The following CD38 variants were observed in gnomAD, a reference collection of about 807,000 sequenced individuals.
CD38 encodes the protein ADP-ribosyl cyclase/cyclic ADP-ribose hydrolase 1.
In CD38, 31 loss-of-function variants were observed where a neutral mutation model predicts 36.3. That is an observed-to-expected ratio of 0.85 (90% CI 0.64 to 1.15). The LOEUF is 1.15. Ranked by LOEUF, CD38 falls within the 50% of genes most tolerant of loss-of-function variation. CD38 has a pLI of 0.00. For missense variants in CD38, 380 were observed against 371.9 expected, an observed-to-expected ratio of 1.02 and a Z score of -0.18; for synonymous variants, 131 against 135.2, an observed-to-expected ratio of 0.97 and a Z score of 0.22.
At chr4:15,801,297 TA>T (rs1723218519) in intron 1 of CD38, among the ~76,000 whole-genome samples, 2 of 151,344 alleles carry the variant, frequency 1.3e-5, no homozygotes, top group African/African-American at 4.9e-5. Flanking sequence ...TAAACAACAA[TA>T]AAAAGTTTCC....
chr4:15,778,752 G>C lies in CD38; in HGVS notation c.233+105G>C, dbSNP rs1018805824. ...CCGGAACCGGGCATCTTCCGTGGCG[G>C]GTCAGCCGAGAGCCCGCCGGGTGGT... On this transcript the variant is annotated intron_variant, in intron 1 of 7. Coordinates refer to ENST00000226279, the MANE Select transcript of CD38 (RefSeq NM_001775.4). The surrounding 1 kb of genome is among the most constrained non-coding windows in gnomAD (Gnocchi z 4.9). 9 of 806,524 alleles carry C rather than the reference G, an allele frequency of 1.1e-5. No homozygotes were observed. The Admixed American group carries it at 2.3e-4, about 21-fold the overall frequency. The allele number at this position is 806,524 out of a possible 1,614,324, so 50.0% of individuals were successfully genotyped here. A position where few individuals can be genotyped will look rare whatever the true frequency, so the allele number is the denominator to read the frequency against.
chr4:15,803,352 A>C (rs137982345), intron 1 of CD38, among the ~76,000 whole-genome samples: 1,778 of 152,338 alleles, frequency 0.012, 35 homozygotes, highest in African/African-American at 0.039. Context: ...CAAACTACAG[A>C]ATGGGATAAA....
At position 15,840,031 on chromosome 4, in the gene CD38, T is replaced by C. The variant is rs1383124657; in HGVS notation, c.665T>C (p.Phe222Ser). Residue 222 changes from phenylalanine to serine, a missense_variant, in exon 6 of 8, where the codon TTT (phenylalanine) becomes TCT (serine). By Grantham distance (155) the Phe-to-Ser change is radical. Coordinates refer to ENST00000226279, the MANE Select transcript of CD38 (RefSeq NM_001775.4). Reference protein sequence around the residue: ...RSKIFDKNSTFGSVEVHNLQP... With the variant: ...RSKIFDKNSTSGSVEVHNLQP... ...CTTTGTTTCTTCTATTTTAGCACTTTTGGGAGTGTGGAAGTCCATAATTTG... is the reference window on the plus strand; with the variant it reads ...CTTTGTTTCTTCTATTTTAGCACTTCTGGGAGTGTGGAAGTCCATAATTTG... 3.1e-6 allele frequency: 5 copies of C among 1,611,352 alleles called. No individual in the cohort carries two copies. The African/African-American group carries it at 6.7e-5, about 22-fold the overall frequency.
At chr4:15,840,328 A>C in intron 6 of CD38, 124 bp from the exon 7 acceptor site, 2 of 748,746 alleles carry the variant, frequency 2.7e-6, no homozygotes, top group Non-Finnish European at 4.6e-6. Context: ...GAGCTCTTAG[A>C]GGATTTACCT....
At position 15,834,498 on chromosome 4, in the gene CD38, G is replaced by T. The variant is rs528976229; in HGVS notation, c.585+196G>T. ...TCCAATTTTAGAACATTCTTAGAGG[G>T]TCCATGGGCTCCAGTTGCAGAATCT... On this transcript the variant is annotated intron_variant, in intron 4 of 7. Coordinates refer to ENST00000226279, the MANE Select transcript of CD38 (RefSeq NM_001775.4). Among the ~76,000 whole-genome samples the T allele has an allele frequency of 9.9e-5, 15 of 152,280 alleles. No homozygotes were observed. In the East Asian group the frequency reaches 2.7e-3, roughly 27 times the overall value.
At chr4:15,783,304 A>G (rs2148913017) in intron 1 of CD38, among the ~76,000 whole-genome samples, 1 of 152,320 alleles carries the variant, frequency 6.6e-6, no homozygotes, top group South Asian at 2.1e-4. Flanking sequence ...ACCTAGGGGA[A>G]GCTGGGAATT....
At chr4:15,802,196 C>CA (rs1436133671) in intron 1 of CD38, among the ~76,000 whole-genome samples, 5 of 151,478 alleles carry the variant, frequency 3.3e-5, no homozygotes, top group African/African-American at 9.7e-5. Flanking sequence ...AGCTACCCCC[C>CA]AAAAAAAACC....
chr4:15,782,586 G>A (rs768949812), intron 1 of CD38, among the ~76,000 whole-genome samples: 2 of 152,126 alleles, frequency 1.3e-5, no homozygotes, highest in African/African-American at 2.4e-5. Context: ...TTAAATGAAT[G>A]GTATATAAGC....
chr4:15,828,520 T>C (rs1310382039), intron 3 of CD38, among the ~76,000 whole-genome samples: 1 of 152,226 alleles, frequency 6.6e-6, no homozygotes, highest in Non-Finnish European at 1.5e-5. Flanking sequence ...CATTCTATTA[T>C]CTGCTTCTAT....
chr4:15,817,733 A>T (rs1271206355), intron 2 of CD38, among the ~76,000 whole-genome samples: 1 of 152,198 alleles, frequency 6.6e-6, no homozygotes, highest in African/African-American at 2.4e-5. Flanking sequence ...ACTTTAAACC[A>T]GTATCCTTCA....
chr4:15,841,263 T>C (rs1724199678), intron 7 of CD38, among the ~76,000 whole-genome samples: 1 of 152,162 alleles, frequency 6.6e-6, no homozygotes, highest in Admixed American at 6.6e-5. Flanking sequence ...TGGAACAAGA[T>C]TGATGCAGAG....
At chr4:15,827,969 A>T (rs1723885041) in intron 3 of CD38, among the ~76,000 whole-genome samples, 1 of 152,168 alleles carries the variant, frequency 6.6e-6, no homozygotes, top group Non-Finnish European at 1.5e-5. Flanking sequence ...TATGAATACA[A>T]TGTGGGATAA....
intron 5 of CD38, among the ~76,000 whole-genome samples, chr4:15,839,415 CTTTTTTTTTTT>C (rs560134404): frequency 4.5e-5 from 4 of 88,066 alleles, no homozygotes; most frequent in South Asian, 7.7e-4. Context: ...TTCTACATTT[CTTTTTTTTTTT>C]TTTTTTTTTT....
rs766184594 is a variant in CD38 at position 15,851,836 on chromosome 4, A to G, written c.*3234A>G. On this transcript the variant is annotated 3_prime_UTR_variant, in exon 8 of 8. Coordinates refer to ENST00000226279, the MANE Select transcript of CD38 (RefSeq NM_001775.4). ...TACACTAACCTAGATGGTCTAACCT[A>G]CTACACACCCAGGCTACATGGTATC... The G allele has an allele frequency of 6.6e-6, 1 of 152,212 alleles. No individual in the cohort carries two copies. Among genetic ancestry groups the G allele is most frequent in the Non-Finnish European group, 1.5e-5 (1 of 68,036 alleles). The allele number at this position is 152,212 out of a possible 1,614,324, so 9.4% of individuals were successfully genotyped here.
intron 1 of CD38, among the ~76,000 whole-genome samples, chr4:15,789,468 G>A (rs1722910674): frequency 6.6e-6 from 1 of 152,134 alleles, no homozygotes; most frequent in East Asian, 1.9e-4. Context: ...GTTTCTCAGG[G>A]CGATAAAAAG....
At chr4:15,836,915 T>G (rs77261119) in intron 4 of CD38, among the ~76,000 whole-genome samples, 9 of 152,164 alleles carry the variant, frequency 5.9e-5, no homozygotes, top group Non-Finnish European at 7.4e-5. Context: ...CAAAATATAC[T>G]TGTTCCATAG....
At chr4:15,800,845 G>C (rs1723207853) in intron 1 of CD38, among the ~76,000 whole-genome samples, 1 of 151,846 alleles carries the variant, frequency 6.6e-6, no homozygotes, top group African/African-American at 2.4e-5. Flanking sequence ...CAAAAAAGTA[G>C]AAAGATTTAA....
intron 1 of CD38, among the ~76,000 whole-genome samples, chr4:15,783,966 T>A (rs576829598): frequency 6.6e-6 from 1 of 152,234 alleles, no homozygotes; most frequent in Admixed American, 6.5e-5. Flanking sequence ...AATGCTAGGG[T>A]GAGACATGGG....
rs917570627 is a variant in CD38 at position 15,848,764 on chromosome 4, C to T, written c.*162C>T. On this transcript the variant is annotated 3_prime_UTR_variant, in exon 8 of 8. Transcript: ENST00000226279. ...CTTTTTCCCCAAAGTCTTAAAATAA[C>T]TTATATCATCAGCATACCTTTATTG... 19 of 538,446 alleles carry T rather than the reference C, an allele frequency of 3.5e-5. 1 individual carries two copies. The Admixed American group carries it at 5.8e-4, about 16-fold the overall frequency. 33.4% of individuals were successfully genotyped at this position (538,446 alleles called of 1,614,324 possible). A position where few individuals can be genotyped will look rare whatever the true frequency, so the allele number is the denominator to read the frequency against.
Sources: allele counts gnomAD v4.1 joint callset (sites outside exome capture counted in the v4.1 genomes callset), GRCh38; gene constraint gnomAD v4.1.1; non-coding constraint Gnocchi (gnomAD v3.1); transcripts MANE v1.5; gene names NCBI Gene and HGNC (gene_info 2026-07-23, HGNC 2026-07-21).